FGL1: variants seen among roughly 807,000 people sequenced by gnomAD.
FGL1 encodes the protein fibrinogen like 1, also known as fibrinogen-like protein 1.
In FGL1, 59 loss-of-function variants were observed where a neutral mutation model predicts 43.7. That is an observed-to-expected ratio of 1.35 (90% confidence interval 1.10 to 1.68). The LOEUF (loss-of-function observed/expected upper bound fraction) is 1.68. FGL1 is among the 40% of genes most tolerant of loss of function. FGL1 has a pLI of 0.00. For synonymous variants in FGL1, 192 were observed against 126.5 expected, an observed-to-expected ratio of 1.52 and a Z score of -3.48; for missense variants, 596 against 373.0, an observed-to-expected ratio of 1.60 and a Z score of -4.92.
intron 1 of FGL1, chr8:17,891,133 T>A (rs2053698750): frequency 6.6e-6 from 1 of 152,170 alleles, no homozygotes; most frequent in Non-Finnish European, 1.5e-5. Flanking sequence ...AGTGGCTACA[T>A]CTATTATGTA....
intron 1 of FGL1, among the ~76,000 whole-genome samples, chr8:17,894,903 T>A (rs1020336121): frequency 7.3e-6 from 1 of 136,586 alleles, no homozygotes; most frequent in South Asian, 2.2e-4. Context: ...ATGTATATAT[T>A]ATAGATTATA....
intron 5 of FGL1, among the ~76,000 whole-genome samples, chr8:17,869,992 C>A (rs1417429340): frequency 6.6e-6 from 1 of 152,086 alleles, no homozygotes; most frequent in African/African-American, 2.4e-5. Flanking sequence ...CACCTGTAGT[C>A]CCAGCTACTT....
intron 1 of FGL1, chr8:17,891,119 G>A (rs369316833): frequency 7.2e-5 from 11 of 152,180 alleles, no homozygotes; most frequent in African/African-American, 2.2e-4. Context: ...AGCACGAAGA[G>A]GTGAGTGGCT....
intron 5 of FGL1, among the ~76,000 whole-genome samples, chr8:17,873,611 G>C (rs940535222): frequency 6.6e-6 from 1 of 151,520 alleles, no homozygotes; most frequent in Non-Finnish European, 1.5e-5. Context: ...GGAACTCAAG[G>C]CATCAAAAAG....
At chr8:17,882,201 A>G (rs752624575) in intron 2 of FGL1, 22 bp from the exon 3 acceptor site, 1 of 1,604,800 alleles carries the variant, frequency 6.2e-7, no homozygotes, top group Non-Finnish European at 8.5e-7. Context: ...GTGAGATGAG[A>G]TGAGTATGCA....
rs565494449 is a variant in FGL1, at chr8:17,864,510, G to C, written c.*82C>G. ...TACTCACAACAGTTATCATGATTGC[G>C]CATGGATATGTTCAGAATGAGTATT... On this transcript the variant is annotated 3_prime_UTR_variant, in exon 8 of 8. Transcript: ENST00000427924. The C allele has an allele frequency of 6.4e-6, 9 of 1,401,812 alleles. No individual in the cohort carries two copies. The highest frequency in any genetic ancestry group is 7.7e-6 in the Non-Finnish European group (8 of 1,037,424). 86.8% of individuals were successfully genotyped at this position (1,401,812 alleles called of 1,614,324 possible). A position where few individuals can be genotyped will look rare whatever the true frequency, so the allele number is the denominator to read the frequency against.
chr8:17,885,658 C>A, intron 1 of FGL1, 87 bp from the exon 2 acceptor site: 3 of 1,069,952 alleles, frequency 2.8e-6, no homozygotes, highest in Non-Finnish European at 1.4e-6. Flanking sequence ...TCCAGGAAGT[C>A]GGATGCAGCC....
At chr8:17,875,353 TC>T in intron 3 of FGL1, among the ~76,000 whole-genome samples, 1 of 152,280 alleles carries the variant, frequency 6.6e-6, no homozygotes, top group South Asian at 2.1e-4. Flanking sequence ...GTCCATACAT[TC>T]TTAGATGTTT....
At chr8:17,890,375 C>T (rs1380343477) in intron 1 of FGL1, among the ~76,000 whole-genome samples, 1 of 152,304 alleles carries the variant, frequency 6.6e-6, no homozygotes, top group East Asian at 1.9e-4. Flanking sequence ...CAACACATCT[C>T]TTTTCCCATC....
At chr8:17,884,341 T>C (rs193186739) in intron 2 of FGL1, among the ~76,000 whole-genome samples, 11 of 152,126 alleles carry the variant, frequency 7.2e-5, no homozygotes, top group Admixed American at 5.2e-4. Context: ...ATACAGGTTG[T>C]GTGCCATAAC....
chr8:17,891,615 C>A (rs1298028619), intron 1 of FGL1: 8 of 906,164 alleles, frequency 8.8e-6, no homozygotes, highest in East Asian at 2.4e-4. Flanking sequence ...TTTGGGGGCA[C>A]AGCTGAACCT....
Position 17,864,728 on chromosome 8 carries a change from C to A in FGL1, c.803G>T (p.Gly268Val), listed in dbSNP as rs1386836650. The A allele has an allele frequency of 3.2e-6, 5 of 1,569,068 alleles. No homozygotes were observed. The highest frequency in any genetic ancestry group is 3.4e-6 in the Non-Finnish European group (4 of 1,161,952). ...CGTGTAGGGGCCGCTGTAGTATACA[C>A]CATTCAGGTTTGCAGAGTGACACCT... is the stretch of plus-strand genomic sequence containing the variant. ...FNRCHSANLN[G>V]VYYSGPYTAK... Residue 268 changes from glycine (G) to valine (V), a missense_variant, in exon 8 of 8, where the codon GGT becomes GTT. Transcript: ENST00000427924.
intron 5 of FGL1, among the ~76,000 whole-genome samples, chr8:17,873,735 T>C (rs2053400126): frequency 6.7e-6 from 1 of 149,862 alleles, no homozygotes; most frequent in South Asian, 2.1e-4. Flanking sequence ...TAGCTACATA[T>C]ATACTATGTA....
intron 3 of FGL1, among the ~76,000 whole-genome samples, chr8:17,875,917 T>C (rs2053449610): frequency 6.6e-6 from 1 of 152,126 alleles, no homozygotes; most frequent in African/African-American, 2.4e-5. Flanking sequence ...AATGGTGATG[T>C]CTGTTCCTTA....
At chr8:17,881,714 G>T (rs1199238695) in intron 3 of FGL1, among the ~76,000 whole-genome samples, 1 of 151,116 alleles carries the variant, frequency 6.6e-6, no homozygotes, top group African/African-American at 2.4e-5. Context: ...GGCACCTGTA[G>T]TCCCAGCTAC....
intron 2 of FGL1, among the ~76,000 whole-genome samples, 189 bp downstream of exon 2, chr8:17,885,303 C>T (rs1054639912): frequency 1.1e-4 from 16 of 152,084 alleles, no homozygotes; most frequent in African/African-American, 3.9e-4. Context: ...TCGGCCTCCC[C>T]TGCAAAAATG....
At chr8:17,870,462 C>A (rs1251289436) in intron 5 of FGL1, among the ~76,000 whole-genome samples, 1 of 152,118 alleles carries the variant, frequency 6.6e-6, no homozygotes, top group East Asian at 1.9e-4. Flanking sequence ...CCTGTAAGGT[C>A]GGGTTAGAAT....
At chr8:17,865,429 C>T (rs1269183134) in intron 7 of FGL1, among the ~76,000 whole-genome samples, 1 of 152,158 alleles carries the variant, frequency 6.6e-6, no homozygotes, top group East Asian at 1.9e-4. Flanking sequence ...CTCCGTATGT[C>T]CCCTTCTTTA....
chr8:17,894,969 A>G (rs1053335241), intron 1 of FGL1, among the ~76,000 whole-genome samples: 2 of 150,108 alleles, frequency 1.3e-5, no homozygotes, highest in Non-Finnish European at 3.0e-5. Flanking sequence ...GTAAAAAATA[A>G]AGGGCTAATG....
Sources: allele counts gnomAD v4.1 joint callset (sites outside exome capture counted in the v4.1 genomes callset), GRCh38; gene constraint gnomAD v4.1.1; transcripts MANE v1.5; gene names NCBI Gene and HGNC (gene_info 2026-07-23, HGNC 2026-07-21).